APP: variants seen among roughly 807,000 people sequenced by gnomAD.
APP encodes the protein amyloid-beta precursor protein.
A neutral mutation model predicts 101.4 loss-of-function variants in APP; 31 were observed. The ratio of observed to expected loss-of-function variants is 0.31; its 90% CI spans 0.23 to 0.41. APP has a LOEUF of 0.41. APP is among the 10% of genes least tolerant of loss of function. The probability of loss-of-function intolerance (pLI) is 1.00; values close to 1 mark genes in which losing one functional copy is unlikely to be tolerated. For synonymous variants in APP, 366 were observed against 364.4 expected (o/e 1.00, Z -0.05); for missense variants, 839 against 1,003.7 (o/e 0.84, Z 2.22).
chr21:25,884,828 A>G (rs1212044735), intron 17 of APP, among the ~76,000 whole-genome samples: 1 of 152,234 alleles, frequency 6.6e-6, no homozygotes, highest in Non-Finnish European at 1.5e-5. Context: ...CTACCATCAC[A>G]CTGGCTGTCA....
chr21:25,975,382 C>T (rs148696577), intron 10 of APP, among the ~76,000 whole-genome samples, 154 bp from the exon 11 acceptor site: 20 of 152,304 alleles, frequency 1.3e-4, no homozygotes, highest in African/African-American at 3.4e-4. Context: ...ACTAATTCTA[C>T]GTTTTATAGC....
chr21:26,100,305 C>G (rs964868155), intron 2 of APP, among the ~76,000 whole-genome samples: 17 of 152,186 alleles, frequency 1.1e-4, no homozygotes, highest in African/African-American at 3.6e-4. Flanking sequence ...CACATATAGA[C>G]AGCCTGATCC....
chr21:26,033,174 C>A (rs367700650), intron 5 of APP, among the ~76,000 whole-genome samples: 1 of 152,132 alleles, frequency 6.6e-6, no homozygotes, highest in East Asian at 1.9e-4. Context: ...GAATTGTAAT[C>A]CTCATAATCC....
chr21:26,089,198 A>G (rs2061766358), intron 3 of APP, among the ~76,000 whole-genome samples: 1 of 152,216 alleles, frequency 6.6e-6, no homozygotes, highest in Non-Finnish European at 1.5e-5. Context: ...AAGATACCAG[A>G]GCAAAGAACT....
intron 2 of APP, among the ~76,000 whole-genome samples, chr21:26,098,081 GAAAAAAAAAAA>G (rs757879199): frequency 1.7e-4 from 9 of 54,382 alleles, no homozygotes; most frequent in African/African-American, 2.5e-4. Context: ...CTCTGTCTCA[GAAAAAAAAAAA>G]AAAAAAAAAA....
At chr21:26,027,981 G>C (rs570752441) in intron 5 of APP, among the ~76,000 whole-genome samples, 1 of 152,042 alleles carries the variant, frequency 6.6e-6, no homozygotes, top group African/African-American at 2.4e-5. Flanking sequence ...GATCACTTGG[G>C]GCCAGGAGTT....
chr21:25,963,930 C>A (rs904432560), intron 11 of APP, among the ~76,000 whole-genome samples: 4 of 152,164 alleles, frequency 2.6e-5, no homozygotes, highest in Non-Finnish European at 5.9e-5. Flanking sequence ...ATGATAATCC[C>A]ATGCCAAGGT....
intron 5 of APP, among the ~76,000 whole-genome samples, chr21:26,038,650 G>C (rs1409439224): frequency 6.6e-6 from 1 of 152,138 alleles, no homozygotes; most frequent in East Asian, 1.9e-4. Flanking sequence ...CGTAATCCCA[G>C]CTACTTGGGA....
At chr21:25,965,744 A>C (rs906628881) in intron 11 of APP, among the ~76,000 whole-genome samples, 3 of 152,326 alleles carry the variant, frequency 2.0e-5, no homozygotes, top group South Asian at 2.1e-4. Flanking sequence ...TCTGTTCTCT[A>C]TCAGTCATAC....
chr21:26,127,044 T>C (rs2062700002), intron 1 of APP, among the ~76,000 whole-genome samples: 1 of 152,006 alleles, frequency 6.6e-6, no homozygotes, highest in South Asian at 2.1e-4. Flanking sequence ...TTAAGCAAGA[T>C]AACCCCTTCA....
At chr21:26,035,615 T>A (rs1474911775) in intron 5 of APP, among the ~76,000 whole-genome samples, 1 of 152,214 alleles carries the variant, frequency 6.6e-6, no homozygotes, top group Non-Finnish European at 1.5e-5. Context: ...GTGCACTTGG[T>A]TTTTAAGCGT....
intron 3 of APP, among the ~76,000 whole-genome samples, chr21:26,067,918 A>T (rs868335040): frequency 1.7e-5 from 2 of 121,016 alleles, no homozygotes; most frequent in Non-Finnish European, 3.1e-5. Context: ...TGCCTTATTT[A>T]AAAAAAAAAA....
rs73350880 is a variant in APP, at chr21:25,892,363, A to G, written c.2065-495T>C. The stretch of plus-strand genomic sequence containing the variant: ...GTGACTGAGACTTAGGTGTTTTTCA[A>G]CTCTGCAGATGTCCTAATTTCCTTG... On this transcript the variant is annotated intron_variant, in intron 16 of 17. Coordinates refer to ENST00000346798, the MANE Select transcript of APP (RefSeq NM_000484.4). 8.8e-3 allele frequency among the ~76,000 whole-genome samples: 1,346 copies of G among 152,232 alleles called. 17 individuals carry two copies. The highest frequency in any genetic ancestry group is 0.03 in the African/African-American group (1,255 of 41,542).
chr21:25,897,749 G>T, intron 15 of APP, 76 bp from the exon 16 acceptor site: 2 of 1,319,716 alleles, frequency 1.5e-6, no homozygotes, highest in Non-Finnish European at 2.2e-6. Flanking sequence ...GTAAGACAAA[G>T]CCTACCCAAA....
At chr21:26,168,682 C>T (rs527548784) in intron 1 of APP, among the ~76,000 whole-genome samples, 27 of 152,262 alleles carry the variant, frequency 1.8e-4, no homozygotes, top group African/African-American at 5.8e-4. Context: ...TGTAGTAAGA[C>T]CATTCGGGAA....
At chr21:26,154,029 C>T (rs2830096) in intron 1 of APP, among the ~76,000 whole-genome samples, 2 of 151,724 alleles carry the variant, frequency 1.3e-5, no homozygotes, top group South Asian at 4.1e-4. Flanking sequence ...CTTCTCCAAC[C>T]CTCCATGTCA....
intron 5 of APP, among the ~76,000 whole-genome samples, chr21:26,050,753 T>C (rs899925290): frequency 6.6e-6 from 1 of 152,200 alleles, no homozygotes; most frequent in African/African-American, 2.4e-5. Context: ...ATGATAGTTA[T>C]CAGTGGGATT....
At chr21:26,083,639 A>G (rs1423119749) in intron 3 of APP, among the ~76,000 whole-genome samples, 1 of 152,242 alleles carries the variant, frequency 6.6e-6, no homozygotes, top group Non-Finnish European at 1.5e-5. Context: ...TCAGATGTCC[A>G]TTAGCCTTGC....
intron 13 of APP, among the ~76,000 whole-genome samples, chr21:25,918,814 G>A (rs1255408792): frequency 6.7e-6 from 1 of 150,148 alleles, no homozygotes; most frequent in Non-Finnish European, 1.5e-5. Flanking sequence ...AGGGGAGCCC[G>A]CCATTGCCCA....
Sources: allele counts gnomAD v4.1 joint callset (sites outside exome capture counted in the v4.1 genomes callset), GRCh38; gene constraint gnomAD v4.1.1; transcripts MANE v1.5; gene names NCBI Gene and HGNC (gene_info 2026-07-23, HGNC 2026-07-21).